DGKB: variants seen among roughly 807,000 people sequenced by gnomAD.
DGKB encodes the protein diacylglycerol kinase beta.
In DGKB, 67 loss-of-function variants were observed where a neutral mutation model predicts 114.3. That is an observed-to-expected ratio of 0.59 (90% CI 0.48 to 0.72). The LOEUF (loss-of-function observed/expected upper bound fraction) is 0.72. Among genes scored for constraint, DGKB ranks in the 30% least tolerant of loss-of-function variants. The pLI is 0.00. For missense variants in DGKB, 907 were observed against 975.2 expected, an observed-to-expected ratio of 0.93 and a Z score of 0.93; for synonymous variants, 398 against 323.1, an observed-to-expected ratio of 1.23 and a Z score of -2.49.
intron 21 of DGKB, among the ~76,000 whole-genome samples, chr7:14,351,977 G>C (rs1307561548): frequency 2.0e-5 from 3 of 152,190 alleles, no homozygotes; most frequent in East Asian, 3.9e-4. Flanking sequence ...CTGCAGTGGA[G>C]ACATTTAATA....
At chr7:14,882,574 C>T (rs1854402578) in intron 1 of DGKB, among the ~76,000 whole-genome samples, 1 of 151,956 alleles carries the variant, frequency 6.6e-6, no homozygotes, top group Non-Finnish European at 1.5e-5. Context: ...CATAATTTAT[C>T]ATCCTTCATC....
intron 1 of DGKB, among the ~76,000 whole-genome samples, chr7:14,847,018 C>T (rs1427515314): frequency 6.6e-6 from 1 of 152,104 alleles, no homozygotes; most frequent in Non-Finnish European, 1.5e-5. Context: ...GGGCCGGGCG[C>T]GGTGGCTCAT....
chr7:14,558,356 T>G (rs1419510891), intron 20 of DGKB, among the ~76,000 whole-genome samples: 1 of 152,034 alleles, frequency 6.6e-6, no homozygotes, highest in Non-Finnish European at 1.5e-5. Context: ...CTTTCACAAT[T>G]TTACATTAGA....
chr7:14,334,568 C>A (rs1583254444), intron 23 of DGKB, among the ~76,000 whole-genome samples: 1 of 151,366 alleles, frequency 6.6e-6, no homozygotes, highest in East Asian at 1.9e-4. Context: ...TTTTTATTGT[C>A]CGCAAATCTG....
At chr7:14,760,236 T>G (rs1173609167) in intron 2 of DGKB, among the ~76,000 whole-genome samples, 1 of 152,152 alleles carries the variant, frequency 6.6e-6, no homozygotes, top group Non-Finnish European at 1.5e-5. Context: ...TGATCAGAGT[T>G]AATTTTTTAT....
At chr7:14,764,809 C>A (rs1209976421) in intron 2 of DGKB, among the ~76,000 whole-genome samples, 2 of 151,520 alleles carry the variant, frequency 1.3e-5, no homozygotes, top group African/African-American at 4.8e-5. Context: ...TATTTACTCT[C>A]ACCTTAGGTC....
At chr7:14,508,409 T>C (rs1787441969) in intron 20 of DGKB, among the ~76,000 whole-genome samples, 1 of 152,222 alleles carries the variant, frequency 6.6e-6, no homozygotes, top group Non-Finnish European at 1.5e-5. Context: ...AAATAACCCA[T>C]TTTCTGCTGT....
At chr7:14,568,294 C>T (rs574755348) in intron 20 of DGKB, among the ~76,000 whole-genome samples, 2 of 152,204 alleles carry the variant, frequency 1.3e-5, no homozygotes, top group African/African-American at 4.8e-5. Context: ...AGGATCATTT[C>T]CGATAGTTCT....
chr7:14,379,157 T>A (rs537644766), intron 21 of DGKB, among the ~76,000 whole-genome samples: 2 of 152,268 alleles, frequency 1.3e-5, no homozygotes, highest in South Asian at 4.1e-4. Context: ...ATTTTCTAAA[T>A]TTGTTATTTG....
At chr7:14,432,112 C>T (rs558511565) in intron 21 of DGKB, among the ~76,000 whole-genome samples, 1 of 152,262 alleles carries the variant, frequency 6.6e-6, no homozygotes, top group African/African-American at 2.4e-5. Context: ...AGTGTAACAG[C>T]ATCTATACAG....
chr7:14,600,173 T>C (rs1384415795), intron 17 of DGKB, among the ~76,000 whole-genome samples: 1 of 152,132 alleles, frequency 6.6e-6, no homozygotes, highest in Non-Finnish European at 1.5e-5. Context: ...ATGAATGCTG[T>C]ATCTTCACAT....
At chr7:14,251,075 A>G (rs567425009) in intron 23 of DGKB, among the ~76,000 whole-genome samples, 5 of 152,204 alleles carry the variant, frequency 3.3e-5, no homozygotes, top group African/African-American at 9.6e-5. Context: ...CTGTATTTTT[A>G]TCCATTCAGC....
intron 1 of DGKB, among the ~76,000 whole-genome samples, chr7:14,934,626 C>T (rs1373190478): frequency 6.6e-6 from 1 of 152,138 alleles, no homozygotes; most frequent in Non-Finnish European, 1.5e-5. Flanking sequence ...ATACATTCTA[C>T]CAATCTTTGT....
chr7:14,753,630 T>C (rs562191803), intron 4 of DGKB, among the ~76,000 whole-genome samples: 8 of 152,332 alleles, frequency 5.3e-5, no homozygotes, highest in Admixed American at 5.2e-4. Flanking sequence ...CACAGCCTTA[T>C]ATATCTTCAT....
At chr7:14,715,929 G>A (rs1053268744) in intron 6 of DGKB, among the ~76,000 whole-genome samples, 3 of 152,078 alleles carry the variant, frequency 2.0e-5, no homozygotes, top group Admixed American at 6.6e-5. Flanking sequence ...ATTCTTTAAC[G>A]GAATAAGCTT....
At chr7:14,660,764 G>A (rs1277032739) in intron 13 of DGKB, among the ~76,000 whole-genome samples, 1 of 151,922 alleles carries the variant, frequency 6.6e-6, no homozygotes, top group East Asian at 1.9e-4. Context: ...TGAGCCAAAA[G>A]AACAAAGCTG....
Position 14,421,772 on chromosome 7 carries a change from C to A in DGKB, c.1835+56389G>T, listed in dbSNP as rs545065899. Among the ~76,000 whole-genome samples the A allele has an allele frequency of 2.6e-5, 4 of 152,086 alleles. No individual in the cohort carries two copies. The East Asian group carries it at 7.8e-4, about 30-fold the overall frequency. On this transcript the variant is annotated intron_variant, in intron 21 of 25. Coordinates refer to ENST00000402815, the MANE Select transcript of DGKB (RefSeq NM_001350709.2). Reference sequence around the variant, plus strand: ...CAACTTTGAATAGGCACAAAGAGCACTGATGTAATTAGAGATACTTAGACA... The same window carrying A: ...CAACTTTGAATAGGCACAAAGAGCAATGATGTAATTAGAGATACTTAGACA...
At chr7:14,197,028 T>G (rs1002418187) in intron 23 of DGKB, among the ~76,000 whole-genome samples, 1 of 152,020 alleles carries the variant, frequency 6.6e-6, no homozygotes, top group Non-Finnish European at 1.5e-5. Context: ...TAGCAACACT[T>G]GAAACCCTAA....
At chr7:14,657,635 T>C (rs567749415) in intron 13 of DGKB, among the ~76,000 whole-genome samples, 2 of 151,920 alleles carry the variant, frequency 1.3e-5, no homozygotes, top group African/African-American at 4.8e-5. Flanking sequence ...ACAGCCATAA[T>C]GATGTGAAAT....
Sources: gnomAD v4.1 joint callset for allele counts (sites outside exome capture counted in the v4.1 genomes callset) on GRCh38, gnomAD v4.1.1 for gene constraint, MANE v1.5 for transcripts, NCBI Gene and HGNC (gene_info 2026-07-23, HGNC 2026-07-21) for gene names.